HSD17B12: variants seen among roughly 807,000 people sequenced by gnomAD.
The protein encoded by HSD17B12 is very-long-chain 3-oxoacyl-CoA reductase.
A neutral mutation model predicts 39.3 loss-of-function variants in HSD17B12; 32 were observed. The ratio of observed to expected loss-of-function variants is 0.81; its 90% CI spans 0.61 to 1.09. The LOEUF (loss-of-function observed/expected upper bound fraction) is 1.09, where lower values mean the gene tolerates loss of function less well. HSD17B12 is among the 50% of genes least tolerant of loss of function. The probability of loss-of-function intolerance (pLI) is 0.00; values close to 1 mark genes in which losing one functional copy is unlikely to be tolerated. For missense variants in HSD17B12, 342 were observed against 382.9 expected (o/e 0.89, Z 0.89); for synonymous variants, 150 against 146.7 (o/e 1.02, Z -0.16).
chr11:43,748,190 C>T (rs1011534576), intron 1 of HSD17B12, among the ~76,000 whole-genome samples: 2 of 151,972 alleles, frequency 1.3e-5, no homozygotes, highest in Non-Finnish European at 1.5e-5. Context: ...AGTCACAATA[C>T]CAAAGACATG....
chr11:43,722,842 A>AC (rs397715438), intron 1 of HSD17B12, among the ~76,000 whole-genome samples: 1 of 151,064 alleles, frequency 6.6e-6, no homozygotes, highest in Non-Finnish European at 1.5e-5. Flanking sequence ...AGAAAAAAAA[A>AC]ATTAAGAATT....
chr11:43,693,378 G>A (rs2134787444), intron 1 of HSD17B12, among the ~76,000 whole-genome samples: 1 of 152,272 alleles, frequency 6.6e-6, no homozygotes, highest in South Asian at 2.1e-4. Context: ...ACTGGTATGA[G>A]GCAAGAAACA....
At chr11:43,803,034 A>G (rs1306840237) in intron 4 of HSD17B12, among the ~76,000 whole-genome samples, 3 of 152,214 alleles carry the variant, frequency 2.0e-5, no homozygotes, top group Non-Finnish European at 1.5e-5. Flanking sequence ...CTCCTTAATC[A>G]TAAGATTTAT....
intron 4 of HSD17B12, among the ~76,000 whole-genome samples, chr11:43,801,628 A>ATATATGTATG (rs1176560327): frequency 4.8e-5 from 1 of 20,956 alleles, no homozygotes; most frequent in African/African-American, 1.1e-4. Flanking sequence ...ATATATATAT[A>ATATATGTATG]TATGTATATG....
At chr11:43,581,126 G>A in the HSD17B12 span, among the ~76,000 whole-genome samples, 3 of 152,164 alleles carry the variant, frequency 2.0e-5, no homozygotes, top group Non-Finnish European at 4.4e-5. This position sits in a 1 kb window ranked among gnomAD's most constrained non-coding sequence, Gnocchi z 4.9. Flanking sequence ...CGACAGGAAA[G>A]GGGTGGAGGC....
chr11:43,655,960 G>T, the HSD17B12 span, among the ~76,000 whole-genome samples: 1 of 152,140 alleles, frequency 6.6e-6, no homozygotes, highest in African/African-American at 2.4e-5. Context: ...CTATTGATTG[G>T]AATAGTTTCA....
chr11:43,834,403 A>G (rs934536798), intron 7 of HSD17B12, among the ~76,000 whole-genome samples: 2 of 151,652 alleles, frequency 1.3e-5, no homozygotes, highest in African/African-American at 4.8e-5. Context: ...CTTGGCTACA[A>G]TCAAATTCTG....
chr11:43,791,243 T>G (rs1233526463), intron 3 of HSD17B12, among the ~76,000 whole-genome samples: 2 of 152,120 alleles, frequency 1.3e-5, no homozygotes, highest in Non-Finnish European at 2.9e-5. Flanking sequence ...TTAAGAATGA[T>G]GTTTTGGGCC....
At chr11:43,766,878 T>G (rs1488489224) in intron 3 of HSD17B12, among the ~76,000 whole-genome samples, 2 of 152,250 alleles carry the variant, frequency 1.3e-5, no homozygotes, top group Non-Finnish European at 2.9e-5. Context: ...AAGTGTAGCT[T>G]ATTTCAACTT....
the HSD17B12 span, among the ~76,000 whole-genome samples, chr11:43,667,949 A>G: frequency 2.6e-5 from 4 of 152,192 alleles, no homozygotes; most frequent in Non-Finnish European, 5.9e-5. Flanking sequence ...TATGTGTAAA[A>G]AAACCCATGT....
chr11:43,715,501 T>C (rs939076090), intron 1 of HSD17B12, among the ~76,000 whole-genome samples: 1 of 152,206 alleles, frequency 6.6e-6, no homozygotes, highest in Non-Finnish European at 1.5e-5. Context: ...GATAAGCTTT[T>C]TGATGTGCTG....
intron 1 of HSD17B12, among the ~76,000 whole-genome samples, chr11:43,704,434 A>G (rs1949995132): frequency 6.6e-6 from 1 of 152,214 alleles, no homozygotes; most frequent in Admixed American, 6.5e-5. Flanking sequence ...TCTCTTGTTT[A>G]TAGTTTAATT....
the HSD17B12 span, among the ~76,000 whole-genome samples, chr11:43,591,924 G>T: frequency 6.6e-6 from 1 of 151,942 alleles, no homozygotes; most frequent in East Asian, 1.9e-4. Flanking sequence ...ATGTTTATTT[G>T]GGGGCAGTGC....
chr11:43,562,172 T>A, the HSD17B12 span, among the ~76,000 whole-genome samples: 8 of 152,246 alleles, frequency 5.3e-5, no homozygotes, highest in African/African-American at 9.6e-5. Context: ...AAGTAAGTGA[T>A]ACATGTGTTT....
the HSD17B12 span, among the ~76,000 whole-genome samples, chr11:43,656,203 A>G: frequency 6.6e-6 from 1 of 152,134 alleles, no homozygotes; most frequent in African/African-American, 2.4e-5. Flanking sequence ...AGAGGTGTTT[A>G]TAGTATTCTC....
the HSD17B12 span, among the ~76,000 whole-genome samples, chr11:43,585,831 A>ATAAGGC: frequency 2.0e-5 from 3 of 152,202 alleles, no homozygotes; most frequent in African/African-American, 7.2e-5. Context: ...TAAGAAAATA[A>ATAAGGC]TAAGGCGGGG....
chr11:43,630,013 C>T, the HSD17B12 span, among the ~76,000 whole-genome samples: 3 of 152,154 alleles, frequency 2.0e-5, no homozygotes, highest in Non-Finnish European at 4.4e-5. Flanking sequence ...ATATCTGATT[C>T]TGCATCAGGA....
chr11:43,689,959 C>G (rs761355196), intron 1 of HSD17B12, among the ~76,000 whole-genome samples: 3 of 152,160 alleles, frequency 2.0e-5, no homozygotes, highest in Non-Finnish European at 2.9e-5. Flanking sequence ...CTTGAACAAC[C>G]TTGGCATTGT....
chr11:43,768,908 G>A (rs1200073141), intron 3 of HSD17B12, among the ~76,000 whole-genome samples: 1 of 152,136 alleles, frequency 6.6e-6, no homozygotes, highest in East Asian at 1.9e-4. Context: ...ATGCTGATTG[G>A]TGCATTTACA....
Sources: gnomAD v4.1 joint callset for allele counts (sites outside exome capture counted in the v4.1 genomes callset) on GRCh38, gnomAD v4.1.1 for gene constraint, Gnocchi (gnomAD v3.1) non-coding constraint, MANE v1.5 for transcripts, NCBI Gene and HGNC (gene_info 2026-07-23, HGNC 2026-07-21) for gene names.